The following FNBP4 variants were observed in gnomAD, a reference collection of about 807,000 sequenced individuals.
FNBP4 encodes the protein formin binding protein 4, also known as formin-binding protein 4.
In FNBP4, 34 loss-of-function variants were observed where a neutral mutation model predicts 119.3. That is an observed-to-expected ratio of 0.28 (90% confidence interval 0.22 to 0.38). The LOEUF is 0.38. Ranked by LOEUF, FNBP4 falls within the 10% of genes least tolerant of loss-of-function variation. The pLI is 1.00. For missense variants in FNBP4, 1,112 were observed against 1,228.9 expected (o/e 0.90, Z 1.42); for synonymous variants, 462 against 430.6 (o/e 1.07, Z -0.90).
At chr11:47,755,039 CAGG>C (rs1219417223) in intron 2 of FNBP4, among the ~76,000 whole-genome samples, 1 of 151,396 alleles carries the variant, frequency 6.6e-6, no homozygotes. Context: ...GCTAGTGAGG[CAGG>C]AGAAGTGCTT....
intron 15 of FNBP4, among the ~76,000 whole-genome samples, chr11:47,721,027 C>T (rs2097555073): frequency 6.6e-6 from 1 of 151,894 alleles, no homozygotes; most frequent in South Asian, 2.1e-4. Context: ...AAAAAGCAAA[C>T]AGATTTTTAA....
At chr11:47,756,701 G>A (rs569501783) in intron 2 of FNBP4, among the ~76,000 whole-genome samples, 7 of 129,822 alleles carry the variant, frequency 5.4e-5, no homozygotes, top group East Asian at 2.2e-4. Flanking sequence ...CCCCACCCCC[G>A]ACCCCATGAC....
intron 16 of FNBP4, among the ~76,000 whole-genome samples, chr11:47,719,077 A>C (rs2097552591): frequency 1.3e-5 from 2 of 152,042 alleles, no homozygotes; most frequent in Non-Finnish European, 2.9e-5. Flanking sequence ...TTTAGTAGAG[A>C]TGGGGTTTCA....
chr11:47,759,820 G>C (rs2097629265), intron 2 of FNBP4, among the ~76,000 whole-genome samples: 1 of 152,076 alleles, frequency 6.6e-6, no homozygotes, highest in Non-Finnish European at 1.5e-5. Flanking sequence ...GGGCGTGGTG[G>C]CAGGCACCTG....
rs780737126 is a variant in FNBP4, at chr11:47,723,184, G to A, written c.2597C>T (p.Ala866Val). 20 of 1,613,854 alleles carry A rather than the reference G, an allele frequency of 1.2e-5. No homozygotes were observed. The highest frequency in any genetic ancestry group is 5.0e-5 in the Admixed American group (3 of 59,994). Residue 866 changes from alanine (A) to valine (V), a missense_variant, in exon 15 of 17, where the codon GCG becomes GTG. By Grantham distance (64) the Ala-to-Val change is moderately conservative. Coordinates refer to ENST00000263773, the MANE Select transcript of FNBP4 (RefSeq NM_015308.5). ...ATAACTCATAATTGCAGGTGCTGCC[G>A]CTAGTCCAAGGTAATTTGACTGCAG... Reference protein sequence around the residue: ...MSLQSNYLGLAAAPAIMSYAE... With the variant: ...MSLQSNYLGLVAAPAIMSYAE...
rs1327224404 is a variant in FNBP4, at chr11:47,751,125, T to C, written c.785+18A>G. 1 of 1,613,748 alleles carries C rather than the reference T, an allele frequency of 6.2e-7. No individual in the cohort carries two copies. The highest frequency in any genetic ancestry group is 8.5e-7 in the Non-Finnish European group (1 of 1,179,850). The stretch of plus-strand genomic sequence containing the variant: ...TCAATTTCCTTCTAGGCAATTTCAC[T>C]TTTAAATTTATTCTTACCTGGGCTG... On this transcript the variant is annotated intron_variant, in intron 5 of 16. Transcript: ENST00000263773.
intron 4 of FNBP4, among the ~76,000 whole-genome samples, chr11:47,751,904 C>T (rs1024706956): frequency 4.3e-4 from 65 of 152,036 alleles, no homozygotes; most frequent in African/African-American, 1.5e-3. Flanking sequence ...GCCAAGATTG[C>T]ACCATTGCAC....
At chr11:47,742,477 C>CAAA (rs568784009) in intron 8 of FNBP4, among the ~76,000 whole-genome samples, 476 of 23,760 alleles carry the variant, frequency 0.02, 132 homozygotes, top group Non-Finnish European at 0.027. Context: ...GACTCCGTCT[C>CAAA]AAAAAAAAAA....
chr11:47,742,807 T>C (rs1306407900), intron 8 of FNBP4, among the ~76,000 whole-genome samples: 1 of 152,012 alleles, frequency 6.6e-6, no homozygotes, highest in East Asian at 1.9e-4. Flanking sequence ...GCAGAATCAC[T>C]TGAACCCAGG....
At chr11:47,742,962 TG>T (rs1313108018) in intron 8 of FNBP4, among the ~76,000 whole-genome samples, 1 of 151,988 alleles carries the variant, frequency 6.6e-6, no homozygotes, top group East Asian at 1.9e-4. Context: ...CCTGTATTGT[TG>T]TTTTTTTTTT....
At chr11:47,762,217 CG>C (rs1565168779) in intron 2 of FNBP4, among the ~76,000 whole-genome samples, 1 of 150,950 alleles carries the variant, frequency 6.6e-6, no homozygotes, top group African/African-American at 2.4e-5. Context: ...TTGCAACCTC[CG>C]CCTCCCGGGT....
chr11:47,736,816 G>A (rs1031748738), intron 8 of FNBP4, 76 bp from the exon 9 acceptor site: 3 of 1,269,484 alleles, frequency 2.4e-6, no homozygotes, highest in African/African-American at 1.5e-5. Flanking sequence ...CCCCATAGCA[G>A]ATATCTGCAA....
At chr11:47,753,125 A>G (rs781702928) in intron 3 of FNBP4, 23 bp from the exon 4 acceptor site, 12 of 1,558,024 alleles carry the variant, frequency 7.7e-6, no homozygotes, top group Non-Finnish European at 7.8e-6. Context: ...AAGAGTAACA[A>G]ATGCAGTAAT....
rs1184301850 is a variant in FNBP4 at position 47,767,144 on chromosome 11, G to A, written c.145C>T (p.Pro49Ser). The A allele has an allele frequency of 4.5e-6, 7 of 1,544,396 alleles. No homozygotes were observed. The highest frequency in any genetic ancestry group is 6.1e-6 in the Non-Finnish European group (7 of 1,150,336). The change falls in exon 1 of 17, where the codon CCC (proline) becomes TCC (serine). Residue 49 changes from proline to serine, a missense_variant. Physicochemically the swap from Pro to Ser is moderately conservative, Grantham distance 74. Coordinates refer to ENST00000263773, the MANE Select transcript of FNBP4 (RefSeq NM_015308.5). ...GTGGTCGTCGCCGCCGACGGGGCGG[G>A]CTGGCTGGGGACCGCCGCGGTTGAG... Reference protein sequence around the residue: ...PDSTAAVPSQPAPSAATTTTT... With the variant: ...PDSTAAVPSQSAPSAATTTTT...
At chr11:47,745,430 G>C (rs748094650) in intron 7 of FNBP4, among the ~76,000 whole-genome samples, 3 of 152,110 alleles carry the variant, frequency 2.0e-5, no homozygotes, top group Non-Finnish European at 4.4e-5. Context: ...ATGCGGTTGA[G>C]ATAAGGACTG....
intron 1 of FNBP4, among the ~76,000 whole-genome samples, chr11:47,766,734 G>T (rs2097648420): frequency 6.6e-6 from 1 of 152,272 alleles, no homozygotes; most frequent in Non-Finnish European, 1.5e-5. Flanking sequence ...CGCGCACGCG[G>T]AAACTCATCC....
intron 6 of FNBP4, among the ~76,000 whole-genome samples, chr11:47,747,433 C>T (rs2135204621): frequency 6.6e-6 from 1 of 151,998 alleles, no homozygotes; most frequent in Non-Finnish European, 1.5e-5. Flanking sequence ...GTCTCGAACT[C>T]CTGACCTCAG....
chr11:47,765,188 C>T, intron 2 of FNBP4, 82 bp downstream of exon 2: 2 of 861,524 alleles, frequency 2.3e-6, no homozygotes, highest in Middle Eastern at 2.2e-4. Context: ...AAGCATTCAG[C>T]AAAACATTCT....
At chr11:47,754,731 C>T (rs7929014) in intron 2 of FNBP4, 67 bp from the exon 3 acceptor site, 662,310 of 1,538,610 alleles carry the variant, frequency 0.43, 148,330 homozygotes, top group South Asian at 0.53. Flanking sequence ...GCATCTAAAG[C>T]GGAAGTATAA....
Sources: allele counts gnomAD v4.1 joint callset (sites outside exome capture counted in the v4.1 genomes callset), GRCh38; gene constraint gnomAD v4.1.1; transcripts MANE v1.5; gene names NCBI Gene and HGNC (gene_info 2026-07-23, HGNC 2026-07-21).